TMEM38A: variants seen among roughly 807,000 people sequenced by gnomAD.
TMEM38A encodes the protein transmembrane protein 38A, also known as trimeric intracellular cation channel type A.
TMEM38A carries 17 observed loss-of-function variants against 28.6 expected under a neutral mutation model. The ratio of observed to expected loss-of-function variants is 0.60; its 90% CI spans 0.41 to 0.89. The LOEUF is 0.89. TMEM38A is among the 40% of genes least tolerant of loss of function. The pLI is 0.00. For synonymous variants in TMEM38A, 169 were observed against 166.1 expected (o/e 1.02, Z -0.14); for missense variants, 328 against 393.1 (o/e 0.83, Z 1.40).
intron 1 of TMEM38A, among the ~76,000 whole-genome samples, chr19:16,672,470 G>T (rs1422316408): frequency 1.4e-5 from 1 of 72,478 alleles, no homozygotes; most frequent in African/African-American, 2.1e-4. Flanking sequence ...TTTTTTTGAG[G>T]CAGAGTCTTG....
At chr19:16,665,196 A>C (rs1158371702) in intron 1 of TMEM38A, among the ~76,000 whole-genome samples, 1 of 152,024 alleles carries the variant, frequency 6.6e-6, no homozygotes, top group Non-Finnish European at 1.5e-5. Context: ...AGGGAGGCTG[A>C]GGCAGGAGAA....
At chr19:16,681,666 G>A (rs898719556) in intron 3 of TMEM38A, among the ~76,000 whole-genome samples, 35 of 152,230 alleles carry the variant, frequency 2.3e-4, no homozygotes, top group South Asian at 8.3e-4. Flanking sequence ...TTGCTATGGG[G>A]AGCCAACCTG....
In TMEM38A at chr19:16,688,132, A is replaced by T. The variant is rs756876694; in HGVS notation, c.673-12A>T. On this transcript the variant is annotated splice_polypyrimidine_tract_variant and intron_variant, in intron 5 of 5. Coordinates refer to ENST00000187762, the MANE Select transcript of TMEM38A (RefSeq NM_024074.4). ...TGTCTCTCTTGCTGTCTCCCTGGCC[A>T]CCCCACCTCAGGTGTTTCTGACAGC... The T allele has an allele frequency of 3.5e-6, 5 of 1,420,724 alleles. No homozygotes were observed. The East Asian group carries it at 1.3e-4, about 38-fold the overall frequency. The allele number at this position is 1,420,724 out of a possible 1,614,324, so 88.0% of individuals were successfully genotyped here. A position where few individuals can be genotyped will look rare whatever the true frequency, so the allele number is the denominator to read the frequency against.
In TMEM38A at chr19:16,689,410, GA is replaced by G. The variant is rs1166928360; in HGVS notation, c.*1042del. On this transcript the variant is annotated 3_prime_UTR_variant, in exon 6 of 6. Transcript: ENST00000187762. ...AGATCATTCGTGTGTGTGGATCAGA[GA>G]AACGCACAAGTTCCCTGGCACAAAG... 6.6e-6 allele frequency: 1 copy of G among 152,342 alleles called. No individual in the cohort carries two copies. The highest frequency in any genetic ancestry group is 1.9e-4 in the East Asian group (1 of 5,184). 9.4% of individuals were successfully genotyped at this position (152,342 alleles called of 1,614,324 possible).
At chr19:16,672,445 C>CCTTTTTTTT (rs1491240988) in intron 1 of TMEM38A, among the ~76,000 whole-genome samples, 3 of 100,438 alleles carry the variant, frequency 3.0e-5, no homozygotes, top group Non-Finnish European at 3.5e-5. Context: ...AAAAAAACCT[C>CCTTTTTTTT]ATTTTTTTTT....
intron 1 of TMEM38A, among the ~76,000 whole-genome samples, chr19:16,668,840 T>A (rs1158250429): frequency 1.4e-5 from 2 of 142,100 alleles, no homozygotes; most frequent in Non-Finnish European, 3.0e-5. Flanking sequence ...TTCTTTTTTT[T>A]TTTTTTGAAA....
At chr19:16,679,788 A>C (rs1355135919) in intron 1 of TMEM38A, among the ~76,000 whole-genome samples, 196 bp from the exon 2 acceptor site, 1 of 152,094 alleles carries the variant, frequency 6.6e-6, no homozygotes, top group African/African-American at 2.4e-5. Flanking sequence ...AAGGACTCCC[A>C]CTCGGCTCTC....
chr19:16,675,485 C>T (rs1054056117), intron 1 of TMEM38A, among the ~76,000 whole-genome samples: 1 of 151,398 alleles, frequency 6.6e-6, no homozygotes, highest in Admixed American at 6.6e-5. Context: ...CCTCTGGCCT[C>T]AGCCTCCCAA....
chr19:16,673,207 G>A (rs1315651841), intron 1 of TMEM38A, among the ~76,000 whole-genome samples: 1 of 152,134 alleles, frequency 6.6e-6, no homozygotes, highest in Middle Eastern at 3.4e-3. Flanking sequence ...TCAGCCCCCT[G>A]AGTAGCTGGG....
chr19:16,676,141 A>G lies in TMEM38A; in HGVS notation c.125-3843A>G, dbSNP rs866489940. 1.3e-4 allele frequency among the ~76,000 whole-genome samples: 18 copies of G among 133,526 alleles called. 4 individuals are homozygous for G. Among genetic ancestry groups the G allele is most frequent in the African/African-American group, 7.2e-4 (18 of 25,168 alleles). The allele number at this position is 133,526 out of a possible 152,430, so 87.6% of individuals were successfully genotyped here. The stretch of plus-strand genomic sequence containing the variant: ...TTTGTGAGGCCGAGGCAGGCGGATC[A>G]CGAGGTCAGGAGATTGAGACCATCT... On this transcript the variant is annotated intron_variant, in intron 1 of 5. Transcript: ENST00000187762.
At chr19:16,670,632 G>C (rs1457636274) in intron 1 of TMEM38A, among the ~76,000 whole-genome samples, 1 of 151,994 alleles carries the variant, frequency 6.6e-6, no homozygotes, top group Non-Finnish European at 1.5e-5. Context: ...GCTTTCCCAA[G>C]ATGAGCATCG....
At chr19:16,672,669 C>T (rs1279785491) in intron 1 of TMEM38A, among the ~76,000 whole-genome samples, 5 of 151,926 alleles carry the variant, frequency 3.3e-5, no homozygotes, top group East Asian at 1.9e-4. Flanking sequence ...AGGCTGGTCT[C>T]GAACTCCTGA....
intron 1 of TMEM38A, among the ~76,000 whole-genome samples, chr19:16,667,956 C>T (rs940649370): frequency 6.6e-6 from 1 of 151,798 alleles, no homozygotes; most frequent in Non-Finnish European, 1.5e-5. Flanking sequence ...CGCCTGTAAT[C>T]CCAGCACTTT....
intron 4 of TMEM38A, 95 bp from the exon 5 acceptor site, chr19:16,686,193 G>T: frequency 3.8e-6 from 3 of 799,844 alleles, no homozygotes. Flanking sequence ...AAGCTGGGAT[G>T]GGAGCTGGTG....
At chr19:16,670,855 C>T (rs1276060889) in intron 1 of TMEM38A, among the ~76,000 whole-genome samples, 1 of 152,162 alleles carries the variant, frequency 6.6e-6, no homozygotes, top group African/African-American at 2.4e-5. Context: ...AGGAGAATCA[C>T]TTGAACCCGG....
In TMEM38A at chr19:16,672,446, A is replaced by ATTTTTTTTTTTTTTTTTT. The variant is rs746189021; in HGVS notation, c.125-7535_125-7518dup. On this transcript the variant is annotated intron_variant, in intron 1 of 5. Coordinates refer to ENST00000187762, the MANE Select transcript of TMEM38A (RefSeq NM_024074.4). ...TAAAAAAAAATCACAAAAAAACCTC[A>ATTTTTTTTTTTTTTTTTT]TTTTTTTTTTTTTTTTTTTTGAGGC... Among the ~76,000 whole-genome samples, 2 of 105,024 alleles carry ATTTTTTTTTTTTTTTTTT rather than the reference A, an allele frequency of 1.9e-5. 1 individual carries two copies. The highest frequency in any genetic ancestry group is 8.6e-5 in the African/African-American group (2 of 23,388). 68.9% of individuals were successfully genotyped at this position (105,024 alleles called of 152,430 possible).
intron 3 of TMEM38A, 53 bp from the exon 4 acceptor site, chr19:16,682,368 A>G (rs1387642792): frequency 1.4e-6 from 2 of 1,456,698 alleles, no homozygotes; most frequent in African/African-American, 2.8e-5. Context: ...TTCAAACAAG[A>G]GGAAAGGAGA....
chr19:16,677,512 T>A (rs571418770), intron 1 of TMEM38A, among the ~76,000 whole-genome samples: 78 of 148,466 alleles, frequency 5.3e-4, no homozygotes, highest in South Asian at 1.0e-3. Flanking sequence ...TTAGAAAAAA[T>A]TTTTTGTAGA....
rs371943631 is a variant in TMEM38A at position 16,661,238 on chromosome 19, G to A, written c.21G>A (p.Leu7=). The stretch of plus-strand genomic sequence containing the variant: ...GCGCCATGGAGCTGCTCTCGGCGCT[G>A]AGCCTGGGCGAACTGGCGCTCAGCT... MELLSA[L]SLGELALSFS... Residue 7 remains leucine (L), a synonymous_variant, in exon 1 of 6, where the codon CTG becomes CTA. Coordinates refer to ENST00000187762, the MANE Select transcript of TMEM38A (RefSeq NM_024074.4). The surrounding 1 kb of genome is among the most constrained non-coding windows in gnomAD (Gnocchi z 6.5). 2.5e-6 allele frequency: 4 copies of A among 1,583,978 alleles called. No individual in the cohort carries two copies. The highest frequency in any genetic ancestry group is 1.7e-6 in the Non-Finnish European group (2 of 1,166,542).
Sources: gnomAD v4.1 joint callset for allele counts (sites outside exome capture counted in the v4.1 genomes callset) on GRCh38, gnomAD v4.1.1 for gene constraint, Gnocchi (gnomAD v3.1) non-coding constraint, MANE v1.5 for transcripts, NCBI Gene and HGNC (gene_info 2026-07-23, HGNC 2026-07-21) for gene names.